FAM107B: variants seen among roughly 807,000 people sequenced by gnomAD.
FAM107B encodes family with sequence similarity 107 member B, also known as protein FAM107B.
Under a neutral mutation model 31.5 loss-of-function variants are expected in FAM107B, and 21 were observed. That is an observed-to-expected ratio of 0.67 (90% CI 0.47 to 0.96). The LOEUF (loss-of-function observed/expected upper bound fraction) is 0.96, where lower values mean the gene tolerates loss of function less well. Among genes scored for constraint, FAM107B ranks in the 40% least tolerant of loss-of-function variants. FAM107B has a pLI of 0.00. For missense variants in FAM107B, 452 were observed against 377.1 expected (o/e 1.20, Z -1.64); for synonymous variants, 157 against 141.5 (o/e 1.11, Z -0.78).
intron 2 of FAM107B, among the ~76,000 whole-genome samples, chr10:14,605,635 T>G (rs2131384167): frequency 6.6e-6 from 1 of 152,328 alleles, no homozygotes; most frequent in African/African-American, 2.4e-5. Context: ...CCTGGGTCCC[T>G]GGAACCCACT....
At chr10:14,552,299 AT>A (rs1283018853) in intron 2 of FAM107B, among the ~76,000 whole-genome samples, 1 of 152,192 alleles carries the variant, frequency 6.6e-6, no homozygotes. Flanking sequence ...AATCCACTCA[AT>A]GGTGATGGAA....
intron 1 of FAM107B, among the ~76,000 whole-genome samples, chr10:14,714,311 C>A (rs1048276978): frequency 6.9e-6 from 1 of 145,264 alleles, no homozygotes; most frequent in Non-Finnish European, 1.6e-5. Flanking sequence ...GTCCCTGGAC[C>A]CCTACAGCCT....
At chr10:14,592,295 G>C (rs145776379) in intron 2 of FAM107B, among the ~76,000 whole-genome samples, 7 of 152,106 alleles carry the variant, frequency 4.6e-5, no homozygotes, top group African/African-American at 1.7e-4. Flanking sequence ...CAGTTCCTGG[G>C]GCTACTAGTG....
intron 1 of FAM107B, among the ~76,000 whole-genome samples, chr10:14,710,495 C>T (rs1855620800): frequency 1.3e-5 from 2 of 149,630 alleles, no homozygotes; most frequent in Admixed American, 1.3e-4. Context: ...TTAAAAATAC[C>T]AATGCTTAGG....
At chr10:14,712,512 T>C (rs757759136) in intron 1 of FAM107B, among the ~76,000 whole-genome samples, 93 of 148,200 alleles carry the variant, frequency 6.3e-4, no homozygotes, top group Non-Finnish European at 1.0e-3. Flanking sequence ...GAGAATCGTT[T>C]GAACCCGGGA....
intron 1 of FAM107B, among the ~76,000 whole-genome samples, chr10:14,692,394 G>T (rs1307756182): frequency 6.6e-6 from 1 of 152,206 alleles, no homozygotes; most frequent in Admixed American, 6.5e-5. Flanking sequence ...TTGTGAGTGG[G>T]GCTGAGGGTG....
rs1022385951 is a variant in FAM107B at position 14,519,418 on chromosome 10, G to C, written c.*1772C>G. 1.3e-5 allele frequency: 2 copies of C among 152,150 alleles called. No homozygotes were observed. Among genetic ancestry groups the C allele is most frequent in the African/African-American group, 4.8e-5 (2 of 41,430 alleles). 9.4% of individuals were successfully genotyped at this position (152,150 alleles called of 1,614,324 possible). On this transcript the variant is annotated 3_prime_UTR_variant, in exon 5 of 5. Transcript: ENST00000181796. ...GTGCAATCAGAAATGGGCTTTTCAA[G>C]ATCATCAGTCATCACACTTCCTTCT...
intron 2 of FAM107B, among the ~76,000 whole-genome samples, chr10:14,592,448 G>A (rs1213684240): frequency 1.3e-5 from 2 of 152,126 alleles, no homozygotes; most frequent in Non-Finnish European, 2.9e-5. Flanking sequence ...ATCAAAACAA[G>A]GCACCTCTGA....
chr10:14,623,609 T>A (rs12773684), intron 2 of FAM107B, among the ~76,000 whole-genome samples: 62,490 of 152,088 alleles, frequency 0.41, 13,366 homozygotes, highest in East Asian at 0.69. Flanking sequence ...GCAGATCACA[T>A]GAGGCCAGGG....
chr10:14,762,916 C>T (rs750558263), intron 1 of FAM107B, among the ~76,000 whole-genome samples: 3 of 152,164 alleles, frequency 2.0e-5, no homozygotes, highest in African/African-American at 7.2e-5. Context: ...CTTTGCCATT[C>T]GAGTACTGTT....
chr10:14,774,687 G>C lies in FAM107B; in HGVS notation c.-24C>G, dbSNP rs1292744931. The C allele has an allele frequency of 6.3e-7, 1 of 1,595,468 alleles. No individual in the cohort carries two copies. Among genetic ancestry groups the C allele is most frequent in the East Asian group, 2.2e-5 (1 of 44,666 alleles). ...ATGACTTGCAGTGAATCATTGCAAA[G>C]TTCAAACGGGGCAAGGAAATTTTCC... On this transcript the variant is annotated 5_prime_UTR_variant, in exon 1 of 5. Coordinates refer to ENST00000181796, the MANE Select transcript of FAM107B (RefSeq NM_031453.4).
At chr10:14,729,313 T>A (rs764799041) in intron 1 of FAM107B, among the ~76,000 whole-genome samples, 7 of 152,202 alleles carry the variant, frequency 4.6e-5, no homozygotes, top group African/African-American at 7.2e-5. Context: ...TAAATATTTT[T>A]ATCCCTATTT....
intron 1 of FAM107B, among the ~76,000 whole-genome samples, chr10:14,688,522 C>G (rs1218456205): frequency 6.6e-6 from 1 of 152,162 alleles, no homozygotes; most frequent in Non-Finnish European, 1.5e-5. Flanking sequence ...AACCAAACGA[C>G]AAACAATAAA....
At chr10:14,533,255 C>T (rs1272356620) in intron 2 of FAM107B, among the ~76,000 whole-genome samples, 2 of 152,018 alleles carry the variant, frequency 1.3e-5, no homozygotes, top group Non-Finnish European at 2.9e-5. Context: ...CATAGGTAGG[C>T]GGAGAGCCTG....
intron 1 of FAM107B, among the ~76,000 whole-genome samples, chr10:14,726,067 C>A (rs1339533109): frequency 1.3e-5 from 2 of 151,694 alleles, no homozygotes; most frequent in Non-Finnish European, 2.9e-5. Flanking sequence ...GATCTCAGCT[C>A]ACTGCAACCT....
At chr10:14,594,457 T>C (rs1267496065) in intron 2 of FAM107B, among the ~76,000 whole-genome samples, 1 of 137,050 alleles carries the variant, frequency 7.3e-6, no homozygotes, top group Non-Finnish European at 1.5e-5. Context: ...TGAGCTATGG[T>C]GGCACTGCTG....
At chr10:14,669,120 C>T (rs536395552) in intron 1 of FAM107B, among the ~76,000 whole-genome samples, 11 of 152,218 alleles carry the variant, frequency 7.2e-5, no homozygotes, top group African/African-American at 2.6e-4. Context: ...GTAATCCTAG[C>T]ACTTTGGGAG....
intron 2 of FAM107B, among the ~76,000 whole-genome samples, chr10:14,608,624 A>G (rs1852651471): frequency 6.6e-6 from 1 of 152,182 alleles, no homozygotes; most frequent in Admixed American, 6.5e-5. Flanking sequence ...AGCAGGCTAG[A>G]TAGGACTTCC....
chr10:14,627,268 T>A (rs1853189483), intron 2 of FAM107B, among the ~76,000 whole-genome samples: 1 of 152,232 alleles, frequency 6.6e-6, no homozygotes, highest in South Asian at 2.1e-4. Context: ...AAAACATACT[T>A]TCGTCACAGT....
Sources: gnomAD v4.1 joint callset for allele counts (sites outside exome capture counted in the v4.1 genomes callset) on GRCh38, gnomAD v4.1.1 for gene constraint, MANE v1.5 for transcripts, NCBI Gene and HGNC (gene_info 2026-07-23, HGNC 2026-07-21) for gene names.